GARRE1: variants seen among roughly 807,000 people sequenced by gnomAD.
The protein encoded by GARRE1 is granule associated Rac and RHOG effector protein 1.
Under a neutral mutation model 103.2 loss-of-function variants are expected in GARRE1, and 49 were observed. The observed-to-expected ratio is 0.47, with a 90% CI of 0.38 to 0.60. GARRE1 has a LOEUF of 0.60. Ranked by LOEUF, GARRE1 falls within the 20% of genes least tolerant of loss-of-function variation. The probability of loss-of-function intolerance (pLI) is 0.00; values close to 1 mark genes in which losing one functional copy is unlikely to be tolerated. For synonymous variants in GARRE1, 505 were observed against 532.8 expected (o/e 0.95, Z 0.72); for missense variants, 1,199 against 1,370.5 (o/e 0.87, Z 1.98).
intron 12 of GARRE1, 68 bp downstream of exon 12, chr19:34,349,221 C>T: frequency 1.3e-6 from 2 of 1,526,054 alleles, no homozygotes; most frequent in South Asian, 1.1e-5. Context: ...GGCTCACTCC[C>T]TGGGAAAGCC....
chr19:34,346,150 C>G (rs1038517691), intron 10 of GARRE1, among the ~76,000 whole-genome samples: 1 of 152,148 alleles, frequency 6.6e-6, no homozygotes, highest in African/African-American at 2.4e-5. Context: ...TGACAGTGCC[C>G]TAAGGATAAG....
In GARRE1 at chr19:34,263,679, T is replaced by C. The variant is rs557991581; in HGVS notation, c.-796+9065T>C. Among the ~76,000 whole-genome samples the C allele has an allele frequency of 3.3e-5, 5 of 152,156 alleles. No homozygotes were observed. The South Asian group carries it at 1.0e-3, about 32-fold the overall frequency. ...TTTTAATAGAGACAGGGTTTCACCATGTTGGCCATGTTGGCCAGGTTGGTC... is the reference window on the plus strand; with the variant it reads ...TTTTAATAGAGACAGGGTTTCACCACGTTGGCCATGTTGGCCAGGTTGGTC... On this transcript the variant is annotated intron_variant, in intron 1 of 13. Coordinates refer to ENST00000299505, the MANE Select transcript of GARRE1 (RefSeq NM_014686.5).
intron 1 of GARRE1, chr19:34,296,433 A>G (rs2073947992): frequency 6.3e-7 from 1 of 1,586,940 alleles, no homozygotes; most frequent in East Asian, 2.2e-5. Flanking sequence ...ACACTTCCCA[A>G]GCTTGGGGTG....
intron 8 of GARRE1, among the ~76,000 whole-genome samples, chr19:34,334,197 T>A (rs1361668999): frequency 6.6e-6 from 1 of 152,200 alleles, no homozygotes; most frequent in African/African-American, 2.4e-5. Context: ...ATCCTGATGA[T>A]CTTGAGCTCA....
intron 2 of GARRE1, among the ~76,000 whole-genome samples, chr19:34,301,982 CT>C (rs35417822): frequency 0.016 from 809 of 49,992 alleles, 24 homozygotes; most frequent in African/African-American, 0.048. Flanking sequence ...TGCGCCCAGC[CT>C]TTTTTTTTTT....
At chr19:34,336,979 T>C (rs1248445214) in intron 8 of GARRE1, among the ~76,000 whole-genome samples, 1 of 152,174 alleles carries the variant, frequency 6.6e-6, no homozygotes, top group Non-Finnish European at 1.5e-5. Context: ...AAAAACACCT[T>C]GTAGACTGTG....
rs1245720508 is a variant in GARRE1, at chr19:34,254,994, C to T, written c.-796+380C>T. ...GGGAGGTCGCGCTGGCGCCAGGACC[C>T]GCTCCCGGAAGCCCGCGGAGGGAGG... On this transcript the variant is annotated intron_variant, in intron 1 of 13. Coordinates refer to ENST00000299505, the MANE Select transcript of GARRE1 (RefSeq NM_014686.5). 6.6e-5 allele frequency among the ~76,000 whole-genome samples: 10 copies of T among 151,882 alleles called. No individual in the cohort carries two copies. The South Asian group carries it at 1.0e-3, about 16-fold the overall frequency.
At chr19:34,335,594 C>T (rs888579647) in intron 8 of GARRE1, among the ~76,000 whole-genome samples, 2 of 152,090 alleles carry the variant, frequency 1.3e-5, no homozygotes, top group Non-Finnish European at 2.9e-5. Flanking sequence ...GGCGCAATCT[C>T]GGCTCACTGC....
chr19:34,277,343 G>A (rs938313645), intron 1 of GARRE1, among the ~76,000 whole-genome samples: 4 of 152,168 alleles, frequency 2.6e-5, no homozygotes, highest in Non-Finnish European at 5.9e-5. Context: ...AATGAAACTG[G>A]AGGACCAAGC....
chr19:34,277,150 G>A (rs1485969447), intron 1 of GARRE1, among the ~76,000 whole-genome samples: 1 of 152,104 alleles, frequency 6.6e-6, no homozygotes, highest in Non-Finnish European at 1.5e-5. Flanking sequence ...GAAGATAAAT[G>A]GTGTGACTGC....
intron 2 of GARRE1, among the ~76,000 whole-genome samples, chr19:34,306,400 G>C (rs1053819429): frequency 2.6e-5 from 4 of 152,242 alleles, no homozygotes; most frequent in Non-Finnish European, 5.9e-5. Context: ...AGGTGCTTCT[G>C]ACTTACAGCC....
At chr19:34,258,058 T>G (rs563526162) in intron 1 of GARRE1, among the ~76,000 whole-genome samples, 73 of 151,778 alleles carry the variant, frequency 4.8e-4, no homozygotes, top group South Asian at 1.5e-3. Flanking sequence ...CCCAGCAAAT[T>G]TTTGTATTTT....
chr19:34,336,985 C>A (rs964074176), intron 8 of GARRE1, among the ~76,000 whole-genome samples: 7 of 150,996 alleles, frequency 4.6e-5, no homozygotes, highest in Non-Finnish European at 8.8e-5. Flanking sequence ...ACCTTGTAGA[C>A]TGTGATTTCT....
chr19:34,254,946 G>C (rs914635563), intron 1 of GARRE1, among the ~76,000 whole-genome samples: 2 of 151,402 alleles, frequency 1.3e-5, no homozygotes, highest in African/African-American at 4.8e-5. Context: ...GAAAGGGGAC[G>C]CTCCCTCGGT....
intron 2 of GARRE1, among the ~76,000 whole-genome samples, chr19:34,302,297 T>TG (rs2073984166): frequency 7.0e-6 from 1 of 141,946 alleles, no homozygotes; most frequent in African/African-American, 2.6e-5. Flanking sequence ...CAGCCGTTTT[T>TG]TTTTTTTTTT....
rs768101617 is a variant in GARRE1 at position 34,300,977 on chromosome 19, T to C, written c.495+9T>C. The C allele has an allele frequency of 2.5e-6, 4 of 1,588,754 alleles. No individual in the cohort carries two copies. In the Admixed American group the frequency reaches 5.1e-5, roughly 20 times the overall value. ...GTCTCCAGGACATTGAGGTAGAGTATCTTTTGTGTCATACTTGTGTAGGAA... is the reference window on the plus strand; with the variant it reads ...GTCTCCAGGACATTGAGGTAGAGTACCTTTTGTGTCATACTTGTGTAGGAA... On this transcript the variant is annotated intron_variant, in intron 2 of 13. Coordinates refer to ENST00000299505, the MANE Select transcript of GARRE1 (RefSeq NM_014686.5).
At chr19:34,297,167 A>G (rs1370650059) in intron 1 of GARRE1, among the ~76,000 whole-genome samples, 1 of 152,134 alleles carries the variant, frequency 6.6e-6, no homozygotes, top group Non-Finnish European at 1.5e-5. Context: ...GCGCACCTGT[A>G]ATCCCAGCTA....
Position 34,319,934 on chromosome 19 carries a change from G to C in GARRE1, c.523G>C (p.Val175Leu). The part of the protein sequence containing the change: ...EVLGRCFLTV[V>L]QVHFQFLTHA... ...GTTGGGGCGATGTTTCCTGACTGTG[G>C]TGCAAGTCCATTTCCAGTTTTTGAC... The change falls in exon 3 of 14, where the codon GTG becomes CTG. Residue 175 changes from valine to leucine, a missense_variant. Physicochemically the swap from Val to Leu is conservative, Grantham distance 32 (BLOSUM62 1). Coordinates refer to ENST00000299505, the MANE Select transcript of GARRE1 (RefSeq NM_014686.5). The C allele has an allele frequency of 1.2e-6, 2 of 1,614,214 alleles. No individual in the cohort carries two copies. Among genetic ancestry groups the C allele is most frequent in the Middle Eastern group, 1.6e-4 (1 of 6,062 alleles).
At position 34,286,385 on chromosome 19, in the gene GARRE1, A is replaced by C. The variant is rs185875509; in HGVS notation, c.-795-13294A>C. ...CAGGTGCATCCCACCACACCTGGCT[A>C]ATTTTTTGTATTTTTAGTAGAGACA... On this transcript the variant is annotated intron_variant, in intron 1 of 13. Transcript: ENST00000299505. 1.6e-3 allele frequency among the ~76,000 whole-genome samples: 246 copies of C among 151,604 alleles called. 2 individuals carry two copies. The highest frequency in any genetic ancestry group is 4.1e-3 in the African/African-American group (169 of 41,272).
Sources: allele counts gnomAD v4.1 joint callset (sites outside exome capture counted in the v4.1 genomes callset), GRCh38; gene constraint gnomAD v4.1.1; transcripts MANE v1.5; gene names NCBI Gene and HGNC (gene_info 2026-07-23, HGNC 2026-07-21).